Variants in LRRC49 observed in about 807,000 individuals in gnomAD.
The protein encoded by LRRC49 is leucine-rich repeat-containing protein 49.
A neutral mutation model predicts 83.3 loss-of-function variants in LRRC49; 50 were observed. The observed-to-expected ratio is 0.60, with a 90% confidence interval of 0.48 to 0.76. The LOEUF is 0.76. LRRC49 is among the 30% of genes least tolerant of loss of function. LRRC49 has a pLI of 0.00. For missense variants in LRRC49, 704 were observed against 809.1 expected (o/e 0.87, Z 1.58); for synonymous variants, 286 against 283.3 (o/e 1.01, Z -0.10).
At chr15:71,007,578 A>T (rs2038499722) in intron 11 of LRRC49, among the ~76,000 whole-genome samples, 2 of 151,640 alleles carry the variant, frequency 1.3e-5, no homozygotes. Flanking sequence ...TCTATTCACA[A>T]AGCAGATAAT....
chr15:70,894,333 T>C (rs1567039988), intron 2 of LRRC49, among the ~76,000 whole-genome samples: 1 of 152,022 alleles, frequency 6.6e-6, no homozygotes, highest in Non-Finnish European at 1.5e-5. Flanking sequence ...TTAGATAAAA[T>C]GGTAATTGGG....
intron 2 of LRRC49, among the ~76,000 whole-genome samples, chr15:70,880,978 C>A (rs1166819359): frequency 6.6e-6 from 1 of 152,342 alleles, no homozygotes; most frequent in East Asian, 1.9e-4. Context: ...AATCCCAGCA[C>A]TCTGGGAGAC....
upstream of LRRC49, chr15:70,891,806 C>T (rs1042246621): frequency 6.7e-7 from 1 of 1,496,390 alleles, no homozygotes; most frequent in Non-Finnish European, 8.9e-7. Flanking sequence ...AGCCAGAGTC[C>T]AGGGGTCCTT....
intron 11 of LRRC49, among the ~76,000 whole-genome samples, chr15:70,994,588 C>G (rs1051374062): frequency 2.0e-5 from 3 of 152,154 alleles, no homozygotes; most frequent in African/African-American, 7.2e-5. Flanking sequence ...AGTCCTCCCA[C>G]CTCAGCCTTC....
intron 14 of LRRC49, among the ~76,000 whole-genome samples, chr15:71,015,477 A>C (rs1481732288): frequency 1.3e-5 from 2 of 152,192 alleles, no homozygotes; most frequent in Non-Finnish European, 2.9e-5. Context: ...ATCTAACGCC[A>C]CTGCTGATCT....
At position 70,892,834 on chromosome 15, in the gene LRRC49, A is replaced by C; in HGVS notation, c.-61A>C. On this transcript the variant is annotated 5_prime_UTR_variant, in exon 1 of 16. Coordinates refer to ENST00000260382, the MANE Select transcript of LRRC49 (RefSeq NM_017691.5). ...GATGACCTCTTTCGGGTCTCTTTGA[A>C]TCTCCGCTGTAGCGTCACCTGGAAG... 6.2e-7 allele frequency: 1 copy of C among 1,614,062 alleles called. No homozygotes were observed. Among genetic ancestry groups the C allele is most frequent in the Non-Finnish European group, 8.5e-7 (1 of 1,180,002 alleles).
chr15:70,861,565 C>T (rs949416279), intron 1 of LRRC49, among the ~76,000 whole-genome samples: 9 of 151,966 alleles, frequency 5.9e-5, no homozygotes, highest in African/African-American at 2.2e-4. Flanking sequence ...GAGGTGCTCC[C>T]CACAAAGCAA....
chr15:71,034,338 A>C (rs535140654), intron 14 of LRRC49, among the ~76,000 whole-genome samples: 76 of 152,220 alleles, frequency 5.0e-4, no homozygotes, highest in Admixed American at 1.2e-3. Flanking sequence ...ATGAAATACT[A>C]TCTCATGCCA....
chr15:70,969,540 G>T (rs1424531071), intron 9 of LRRC49, among the ~76,000 whole-genome samples: 1 of 152,118 alleles, frequency 6.6e-6, no homozygotes, highest in South Asian at 2.1e-4. Flanking sequence ...AGCTTGATGG[G>T]ATTAGCATTA....
intron 1 of LRRC49, among the ~76,000 whole-genome samples, chr15:70,870,877 A>T (rs552094941): frequency 6.6e-6 from 1 of 152,018 alleles, no homozygotes; most frequent in South Asian, 2.1e-4. Context: ...AATGATTGCA[A>T]CTTATTTTAA....
intron 1 of LRRC49, chr15:70,859,011 A>G: frequency 3.8e-6 from 4 of 1,049,188 alleles, no homozygotes; most frequent in Admixed American, 3.4e-5. Context: ...GCCCTCAACA[A>G]CAAGTTTGCC....
chr15:70,944,726 T>C lies in LRRC49; in HGVS notation c.773+7904T>C, dbSNP rs185398372. ...GGCCTAAATGTCCATATTGCTCTTA[T>C]CATTTCTATCTATTCAGTCACCCTT... On this transcript the variant is annotated intron_variant, in intron 8 of 15. Transcript: ENST00000260382. 7.2e-5 allele frequency among the ~76,000 whole-genome samples: 11 copies of C among 152,294 alleles called. No individual in the cohort carries two copies. In the South Asian group the frequency reaches 1.0e-3, roughly 14 times the overall value.
chr15:70,924,570 A>G (rs1001997843), intron 7 of LRRC49, among the ~76,000 whole-genome samples: 2 of 151,890 alleles, frequency 1.3e-5, no homozygotes, highest in African/African-American at 4.8e-5. Flanking sequence ...TCCATTTTAC[A>G]TGTTTTTGTT....
At chr15:71,021,162 A>G (rs761459799) in intron 14 of LRRC49, among the ~76,000 whole-genome samples, 8 of 152,240 alleles carry the variant, frequency 5.3e-5, no homozygotes, top group Non-Finnish European at 1.0e-4. Context: ...AGGTTGGACA[A>G]GTTTGATATA....
intron 2 of LRRC49, among the ~76,000 whole-genome samples, chr15:70,875,316 A>G (rs1166015425): frequency 6.6e-6 from 1 of 152,210 alleles, no homozygotes; most frequent in East Asian, 1.9e-4. Flanking sequence ...AAGAGACTGG[A>G]CATAACTAAA....
Position 70,895,774 on chromosome 15 carries a change from G to GT in LRRC49, c.106-68dup, listed in dbSNP as rs1377322045. The GT allele has an allele frequency of 5.9e-6, 5 of 854,248 alleles. No individual in the cohort carries two copies. The African/African-American group carries it at 7.1e-5, about 12-fold the overall frequency. 52.9% of individuals were successfully genotyped at this position (854,248 alleles called of 1,614,324 possible). ...GTACCATGTGTATCAGTTATTATAT[G>GT]TTTTTTTAATTTATCTTCACTGCTT... On this transcript the variant is annotated intron_variant, in intron 2 of 15. Transcript: ENST00000260382.
intron 5 of LRRC49, among the ~76,000 whole-genome samples, chr15:70,910,153 A>G (rs1308153299): frequency 6.6e-6 from 1 of 152,166 alleles, no homozygotes; most frequent in South Asian, 2.1e-4. Context: ...GTGTGTGATA[A>G]GGGAGTGAAG....
intron 11 of LRRC49, among the ~76,000 whole-genome samples, chr15:70,996,449 G>T (rs987473286): frequency 1.3e-5 from 2 of 152,048 alleles, no homozygotes; most frequent in African/African-American, 4.8e-5. Flanking sequence ...ATTTGACGTA[G>T]TTGAAACTCC....
chr15:71,041,594 C>T (rs1467155566), intron 15 of LRRC49, among the ~76,000 whole-genome samples: 1 of 152,046 alleles, frequency 6.6e-6, no homozygotes, highest in Non-Finnish European at 1.5e-5. Flanking sequence ...ACTTTTCAAA[C>T]ATTAGTGAAG....
Sources: allele counts gnomAD v4.1 joint callset (sites outside exome capture counted in the v4.1 genomes callset), GRCh38; gene constraint gnomAD v4.1.1; transcripts MANE v1.5; gene names NCBI Gene and HGNC (gene_info 2026-07-23, HGNC 2026-07-21).